Variants in NAALADL2 observed in about 807,000 individuals in gnomAD.
The protein encoded by NAALADL2 is N-acetylated alpha-linked acidic dipeptidase like 2, also known as inactive N-acetylated-alpha-linked acidic dipeptidase-like protein 2.
A neutral mutation model predicts 87.2 loss-of-function variants in NAALADL2; 76 were observed. The ratio of observed to expected loss-of-function variants is 0.87; its 90% CI spans 0.72 to 1.05. The LOEUF (loss-of-function observed/expected upper bound fraction) is 1.05, where lower values mean the gene tolerates loss of function less well. NAALADL2 is among the 50% of genes least tolerant of loss of function. NAALADL2 has a pLI of 0.00. For synonymous variants in NAALADL2, 354 were observed against 331.0 expected (o/e 1.07, Z -0.75); for missense variants, 1,089 against 945.8 (o/e 1.15, Z -1.99).
intron 11 of NAALADL2, among the ~76,000 whole-genome samples, chr3:175,633,311 A>G (rs67654425): frequency 0.26 from 38,882 of 151,912 alleles, 5,574 homozygotes; most frequent in African/African-American, 0.4. Flanking sequence ...AACAGATGCA[A>G]TATCCTGTAT....
At chr3:175,475,022 AGTAC>A (rs1363537775) in intron 9 of NAALADL2, among the ~76,000 whole-genome samples, 18 of 144,528 alleles carry the variant, frequency 1.2e-4, no homozygotes, top group Admixed American at 2.7e-4. Context: ...CAAACATTTA[AGTAC>A]ACACACACAC....
At chr3:175,649,525 C>T (rs930683690) in intron 11 of NAALADL2, among the ~76,000 whole-genome samples, 23 of 151,940 alleles carry the variant, frequency 1.5e-4, no homozygotes, top group Non-Finnish European at 2.2e-4. Flanking sequence ...GTTCTGGAGG[C>T]GGGGAAGTTC....
chr3:175,448,681 C>G (rs1050034569), intron 6 of NAALADL2, among the ~76,000 whole-genome samples: 1 of 151,910 alleles, frequency 6.6e-6, no homozygotes, highest in Non-Finnish European at 1.5e-5. Context: ...TGTATCAATT[C>G]TTTTTTAAAA....
rs188388266 is a variant in NAALADL2 at position 174,932,893 on chromosome 3, G to A, written c.43+73443G>A. 3.9e-4 allele frequency among the ~76,000 whole-genome samples: 60 copies of A among 152,270 alleles called. No homozygotes were observed. The East Asian group carries it at 0.011, about 27-fold the overall frequency. On this transcript the variant is annotated intron_variant, in intron 1 of 13. Coordinates refer to ENST00000454872, the MANE Select transcript of NAALADL2 (RefSeq NM_207015.3). ...ACCACTTTGGGAGGCTGAGGCGGACGGGTCACCTGAGGTCAGAAGTTGGAG... is the reference window on the plus strand; with the variant it reads ...ACCACTTTGGGAGGCTGAGGCGGACAGGTCACCTGAGGTCAGAAGTTGGAG...
At chr3:175,181,733 A>ATGTATATATATT (rs1553802512) in intron 2 of NAALADL2, among the ~76,000 whole-genome samples, 1 of 34,460 alleles carries the variant, frequency 2.9e-5, no homozygotes, top group Non-Finnish European at 6.5e-5. Flanking sequence ...ATATGTATAT[A>ATGTATATATATT]TGTGTATATA....
chr3:175,615,435 C>T (rs4459913), intron 10 of NAALADL2, among the ~76,000 whole-genome samples: 140,970 of 152,228 alleles, frequency 0.93, 65,340 homozygotes, highest in Admixed American at 0.95. Context: ...CCTGAAATCC[C>T]TATGATGATT....
chr3:175,513,284 C>G (rs995809573), intron 9 of NAALADL2, among the ~76,000 whole-genome samples: 3 of 151,912 alleles, frequency 2.0e-5, no homozygotes, highest in Non-Finnish European at 4.4e-5. Context: ...TAGCCATGAG[C>G]CATATGTGGA....
intron 2 of NAALADL2, among the ~76,000 whole-genome samples, chr3:175,134,636 T>C (rs143699912): frequency 3.0e-3 from 454 of 152,304 alleles, no homozygotes; most frequent in African/African-American, 0.01. Context: ...CTGTCTCCAT[T>C]TTTAATAGTT....
Position 174,443,621 on chromosome 3 carries a change from C to T in NAALADL2, c.-184+2589C>T, listed in dbSNP as rs147919370. On this transcript the variant is annotated intron_variant, in intron 1 of 3. Transcript: ENST00000434257. ...TTCATCATATAGCGGGTTGTAAAAG[C>T]GAAGAGATTGAATGCATCAAAAGTG... Among the ~76,000 whole-genome samples the T allele has an allele frequency of 1.6e-4, 25 of 152,058 alleles. No individual in the cohort carries two copies. The South Asian group carries it at 4.6e-3, about 28-fold the overall frequency.
chr3:174,978,231 A>G (rs1230175945), intron 1 of NAALADL2, among the ~76,000 whole-genome samples: 1 of 152,240 alleles, frequency 6.6e-6, no homozygotes, highest in Non-Finnish European at 1.5e-5. Flanking sequence ...TTTAGAAAAC[A>G]TGGTGGAGTT....
At chr3:175,329,929 T>G (rs1355255107) in intron 5 of NAALADL2, among the ~76,000 whole-genome samples, 9 of 152,204 alleles carry the variant, frequency 5.9e-5, no homozygotes, top group African/African-American at 2.2e-4. Context: ...GTTGATTGTT[T>G]GAATGTCTAG....
At chr3:175,718,231 T>TTTTG in intron 11 of NAALADL2, 1 of 1,039,012 alleles carries the variant, frequency 9.6e-7, no homozygotes, top group Non-Finnish European at 1.4e-6. Context: ...TTTGATTAGT[T>TTTTG]GCTGTAACAC....
chr3:175,287,235 A>G (rs1421682025), intron 4 of NAALADL2, among the ~76,000 whole-genome samples: 1 of 152,220 alleles, frequency 6.6e-6, no homozygotes, highest in Non-Finnish European at 1.5e-5. Context: ...AAGAAGCTTA[A>G]TGGTTTGTTA....
intron 1 of NAALADL2, among the ~76,000 whole-genome samples, chr3:174,996,358 GTGGTGGCAGGTGCC>G (rs1747457688): frequency 6.6e-6 from 1 of 151,924 alleles, no homozygotes; most frequent in Non-Finnish European, 1.5e-5. Context: ...TTAGCTGGGC[GTGGTGGCAGGTGCC>G]TGTAGTCTCA....
chr3:175,527,146 G>C (rs1233629667), intron 9 of NAALADL2, among the ~76,000 whole-genome samples: 1 of 152,128 alleles, frequency 6.6e-6, no homozygotes, highest in Non-Finnish European at 1.5e-5. Context: ...AACCAATCTA[G>C]GTGGGAGGAA....
At chr3:175,435,723 T>G (rs1718523393) in intron 5 of NAALADL2, among the ~76,000 whole-genome samples, 1 of 152,018 alleles carries the variant, frequency 6.6e-6, no homozygotes, top group Non-Finnish European at 1.5e-5. Context: ...AGAAAAATAT[T>G]TTTAATCATG....
chr3:174,679,141 C>G (rs1727299777), intron 2 of NAALADL2, among the ~76,000 whole-genome samples: 1 of 152,120 alleles, frequency 6.6e-6, no homozygotes, highest in Admixed American at 6.6e-5. Flanking sequence ...TTGTCTGTCT[C>G]TCACTTGTCT....
intron 9 of NAALADL2, among the ~76,000 whole-genome samples, chr3:175,540,416 A>T (rs1712102361): frequency 2.6e-5 from 4 of 152,198 alleles, no homozygotes; most frequent in Admixed American, 2.6e-4. Flanking sequence ...GGAGATGATG[A>T]GGTCAGAGAG....
chr3:175,586,787 G>T (rs1312592645), intron 10 of NAALADL2, among the ~76,000 whole-genome samples: 2 of 152,104 alleles, frequency 1.3e-5, no homozygotes, highest in East Asian at 1.9e-4. Context: ...AATGACTCAG[G>T]TATATATAAT....
Sources: allele counts gnomAD v4.1 joint callset (sites outside exome capture counted in the v4.1 genomes callset), GRCh38; gene constraint gnomAD v4.1.1; transcripts MANE v1.5; gene names NCBI Gene and HGNC (gene_info 2026-07-23, HGNC 2026-07-21).